The following TSHZ2 variants were observed in gnomAD, a reference collection of about 807,000 sequenced individuals.
The protein encoded by TSHZ2 is teashirt homolog 2.
Under a neutral mutation model 74.4 loss-of-function variants are expected in TSHZ2, and 21 were observed. The observed-to-expected ratio is 0.28, with a 90% CI of 0.20 to 0.41. The LOEUF (loss-of-function observed/expected upper bound fraction) is 0.41, where lower values mean the gene tolerates loss of function less well. Among genes scored for constraint, TSHZ2 ranks in the 10% least tolerant of loss-of-function variants. TSHZ2 has a pLI of 1.00. For synonymous variants in TSHZ2, 540 were observed against 515.3 expected (o/e 1.05, Z -0.65); for missense variants, 1,244 against 1,293.5 (o/e 0.96, Z 0.59).
At chr20:53,118,791 T>C (rs1045488713) in intron 1 of TSHZ2, among the ~76,000 whole-genome samples, 1 of 152,136 alleles carries the variant, frequency 6.6e-6, no homozygotes, top group Non-Finnish European at 1.5e-5. Flanking sequence ...ACTAGTCCAT[T>C]CTCACATTGC....
At chr20:53,263,672 T>C (rs1016926729) in intron 2 of TSHZ2, among the ~76,000 whole-genome samples, 5 of 152,214 alleles carry the variant, frequency 3.3e-5, no homozygotes, top group African/African-American at 1.2e-4. Context: ...CCTAGGCTGC[T>C]AGCTCGCAGC....
chr20:53,239,884 T>G (rs1307554311), intron 1 of TSHZ2, among the ~76,000 whole-genome samples: 1 of 152,210 alleles, frequency 6.6e-6, no homozygotes, highest in Non-Finnish European at 1.5e-5. Flanking sequence ...ATGTATCTAA[T>G]TTGTAAAGTA....
intron 2 of TSHZ2, among the ~76,000 whole-genome samples, chr20:53,420,656 G>T (rs1214882893): frequency 6.6e-6 from 1 of 152,132 alleles, no homozygotes; most frequent in Non-Finnish European, 1.5e-5. Flanking sequence ...GCAGGAGAGT[G>T]GGAGGCTGAG....
chr20:53,233,861 A>T (rs929703911), intron 1 of TSHZ2, among the ~76,000 whole-genome samples: 3 of 152,216 alleles, frequency 2.0e-5, no homozygotes, highest in Admixed American at 6.5e-5. Flanking sequence ...TCATAGGACC[A>T]GAGACATGGA....
intron 2 of TSHZ2, among the ~76,000 whole-genome samples, chr20:53,295,374 T>G (rs1991357208): frequency 6.6e-6 from 1 of 152,124 alleles, no homozygotes; most frequent in East Asian, 1.9e-4. Flanking sequence ...ATAAGACCTA[T>G]CTCAAGGGGT....
chr20:53,284,679 G>A (rs1991130563), intron 2 of TSHZ2, among the ~76,000 whole-genome samples: 1 of 151,938 alleles, frequency 6.6e-6, no homozygotes. Flanking sequence ...CTTTTAATTA[G>A]CAAATCTTGT....
chr20:53,101,583 G>A (rs1986219739), intron 1 of TSHZ2, among the ~76,000 whole-genome samples: 2 of 152,206 alleles, frequency 1.3e-5, no homozygotes, highest in South Asian at 4.1e-4. Context: ...ACAGTTTGTA[G>A]AAACCACAGC....
chr20:53,086,152 ACT>A (rs1358236067), intron 1 of TSHZ2, among the ~76,000 whole-genome samples: 7 of 152,130 alleles, frequency 4.6e-5, no homozygotes, highest in African/African-American at 1.7e-4. Flanking sequence ...AGGAAGAATA[ACT>A]CTCTTCAAAG....
intron 2 of TSHZ2, among the ~76,000 whole-genome samples, chr20:53,305,844 G>GGT (rs1568860868): frequency 6.6e-6 from 1 of 152,048 alleles, no homozygotes. Flanking sequence ...CAGGCATGGC[G>GGT]GTGTGCACCT....
chr20:53,103,526 A>G (rs550904025), intron 1 of TSHZ2, among the ~76,000 whole-genome samples: 3 of 152,358 alleles, frequency 2.0e-5, no homozygotes, highest in East Asian at 3.9e-4. Flanking sequence ...TTGTAGGGAA[A>G]GCAGAGAGAG....
intron 2 of TSHZ2, among the ~76,000 whole-genome samples, chr20:53,422,723 A>G (rs1475817763): frequency 2.0e-5 from 3 of 152,200 alleles, no homozygotes; most frequent in Non-Finnish European, 4.4e-5. Flanking sequence ...GTCCAAAAAA[A>G]TAGGAAGCAA....
At chr20:53,092,538 A>G (rs1246796552) in intron 1 of TSHZ2, among the ~76,000 whole-genome samples, 1 of 152,244 alleles carries the variant, frequency 6.6e-6, no homozygotes, top group African/African-American at 2.4e-5. Flanking sequence ...AGGAAACAAT[A>G]TTCCCTGGTA....
chr20:53,058,830 G>A (rs1984728362), intron 1 of TSHZ2, among the ~76,000 whole-genome samples: 1 of 152,236 alleles, frequency 6.6e-6, no homozygotes, highest in Non-Finnish European at 1.5e-5. Flanking sequence ...CTGGCCTGGG[G>A]AAACATGACC....
chr20:52,998,688 C>T (rs141869332), intron 1 of TSHZ2, among the ~76,000 whole-genome samples: 1 of 152,336 alleles, frequency 6.6e-6, no homozygotes, highest in East Asian at 1.9e-4. Flanking sequence ...ATCGCCTCTG[C>T]ACACAGTTCC....
chr20:53,028,301 G>A (rs1019044003), intron 1 of TSHZ2, among the ~76,000 whole-genome samples: 4 of 152,148 alleles, frequency 2.6e-5, no homozygotes, highest in African/African-American at 7.2e-5. Flanking sequence ...GAATAACAAA[G>A]GTTCATCCTC....
chr20:53,245,912 T>G (rs1990189968), intron 1 of TSHZ2, among the ~76,000 whole-genome samples: 1 of 152,182 alleles, frequency 6.6e-6, no homozygotes, highest in Non-Finnish European at 1.5e-5. Context: ...GTTCAGAGGT[T>G]GCAAATGGTT....
Position 53,253,898 on chromosome 20 carries a change from T to C in TSHZ2, c.440T>C (p.Leu147Pro), listed in dbSNP as rs772809475. 140 of 1,614,088 alleles carry C rather than the reference T, an allele frequency of 8.7e-5. No individual in the cohort carries two copies. Among genetic ancestry groups the C allele is most frequent in the Non-Finnish European group, 1.2e-4 (137 of 1,180,054 alleles). Residue 147 changes from leucine (L) to proline (P), a missense_variant, in exon 2 of 3, where the codon CTG (leucine) becomes CCG (proline). By Grantham distance (98) the Leu-to-Pro change is moderately conservative (BLOSUM62 -3). Coordinates refer to ENST00000371497, the MANE Select transcript of TSHZ2 (RefSeq NM_173485.6). ...YWSGLGLGFK[L>P]SNSERRNCDT... ...TCAGGCCTGGGCCTTGGCTTCAAGC[T>C]GTCCAATAGTGAGAGGAGGAACTGT...
chr20:53,140,931 A>C (rs1987383094), intron 1 of TSHZ2, among the ~76,000 whole-genome samples: 1 of 152,220 alleles, frequency 6.6e-6, no homozygotes. Context: ...ATCAATCAAA[A>C]ATGAAGCTTT....
intron 1 of TSHZ2, among the ~76,000 whole-genome samples, chr20:53,087,308 T>C (rs1449181848): frequency 1.3e-5 from 2 of 152,240 alleles, no homozygotes; most frequent in Non-Finnish European, 2.9e-5. Context: ...CACGTTTCCG[T>C]TACTGTAGAG....
Sources: allele counts gnomAD v4.1 joint callset (sites outside exome capture counted in the v4.1 genomes callset), GRCh38; gene constraint gnomAD v4.1.1; transcripts MANE v1.5; gene names NCBI Gene and HGNC (gene_info 2026-07-23, HGNC 2026-07-21).